The following C10orf67 variants were observed in gnomAD, a reference collection of about 807,000 sequenced individuals.
The protein encoded by C10orf67 is chromosome 10 open reading frame 67.
A neutral mutation model predicts 35.6 loss-of-function variants in C10orf67; 60 were observed. The observed-to-expected ratio is 1.68, with a 90% CI of 1.37 to 2.09. C10orf67 has a LOEUF of 2.09. C10orf67 is among the 30% of genes most tolerant of loss of function. C10orf67 has a pLI of 0.00. For synonymous variants in C10orf67, 167 were observed against 115.8 expected (o/e 1.44, Z -2.84); for missense variants, 474 against 330.2 (o/e 1.44, Z -3.38).
intron 12 of C10orf67, among the ~76,000 whole-genome samples, chr10:23,246,281 T>C (rs1842313502): frequency 6.6e-6 from 1 of 152,096 alleles, no homozygotes; most frequent in Non-Finnish European, 1.5e-5. Context: ...CAAAATTATC[T>C]GTACACCAAA....
chr10:23,268,398 A>C (rs1842938271), intron 8 of C10orf67, among the ~76,000 whole-genome samples: 1 of 152,240 alleles, frequency 6.6e-6, no homozygotes, highest in South Asian at 2.1e-4. Flanking sequence ...CATAATATGA[A>C]TTTATGAGTA....
intron 8 of C10orf67, 87 bp from the exon 9 acceptor site, chr10:23,267,341 A>G (rs901633238): frequency 3.3e-6 from 2 of 611,868 alleles, no homozygotes; most frequent in Non-Finnish European, 5.9e-6. Context: ...AAGCAATGAA[A>G]GAGTAACGTT....
At chr10:23,315,556 G>A (rs1045465900) in intron 4 of C10orf67, among the ~76,000 whole-genome samples, 7 of 151,412 alleles carry the variant, frequency 4.6e-5, no homozygotes, top group African/African-American at 9.7e-5. Context: ...CTCCCACCTC[G>A]GCCTTCCAAG....
chr10:23,279,971 T>G (rs910665461), intron 8 of C10orf67, among the ~76,000 whole-genome samples: 2 of 152,070 alleles, frequency 1.3e-5, no homozygotes, highest in African/African-American at 4.8e-5. Context: ...ACTTCCCACC[T>G]AGCCTCCTGA....
At chr10:23,287,556 T>C (rs1843583811) in intron 7 of C10orf67, among the ~76,000 whole-genome samples, 1 of 152,148 alleles carries the variant, frequency 6.6e-6, no homozygotes, top group Admixed American at 6.5e-5. Flanking sequence ...ATTCAGGACA[T>C]AGGTGTGGGC....
At chr10:23,334,259 G>T (rs1845587709) in intron 1 of C10orf67, among the ~76,000 whole-genome samples, 1 of 152,142 alleles carries the variant, frequency 6.6e-6, no homozygotes, top group Non-Finnish European at 1.5e-5. Context: ...AATAGGCCAG[G>T]AACAAGTGTT....
chr10:23,343,375 G>A (rs1053547541), intron 1 of C10orf67, among the ~76,000 whole-genome samples: 1 of 152,142 alleles, frequency 6.6e-6, no homozygotes, highest in African/African-American at 2.4e-5. Context: ...CAGCCAGGAG[G>A]TACTGTCTGT....
At chr10:23,259,782 G>A (rs2132179553) in intron 10 of C10orf67, among the ~76,000 whole-genome samples, 1 of 152,158 alleles carries the variant, frequency 6.6e-6, no homozygotes, top group Admixed American at 6.5e-5. Context: ...ATAATTTGTT[G>A]GATGGGCTCA....
intron 7 of C10orf67, among the ~76,000 whole-genome samples, chr10:23,283,874 T>C (rs1843446668): frequency 6.6e-6 from 1 of 152,056 alleles, no homozygotes. Context: ...CTATCACACC[T>C]GTACTGTGCT....
intron 4 of C10orf67, among the ~76,000 whole-genome samples, chr10:23,315,013 T>C (rs1300720839): frequency 6.6e-6 from 1 of 152,178 alleles, no homozygotes; most frequent in East Asian, 1.9e-4. Context: ...CTACAAAAAG[T>C]GTATATAGCA....
At chr10:23,263,939 TCA>T (rs1246264608) in intron 10 of C10orf67, among the ~76,000 whole-genome samples, 1 of 152,176 alleles carries the variant, frequency 6.6e-6, no homozygotes, top group Non-Finnish European at 1.5e-5. Flanking sequence ...GGCTAAACAC[TCA>T]GTTTATCACT....
At chr10:23,239,135 T>C (rs1383693539) in intron 13 of C10orf67, among the ~76,000 whole-genome samples, 1 of 152,158 alleles carries the variant, frequency 6.6e-6, no homozygotes, top group Non-Finnish European at 1.5e-5. Flanking sequence ...CTCAACAAAG[T>C]TTGTCTCATT....
intron 13 of C10orf67, among the ~76,000 whole-genome samples, chr10:23,228,160 G>A (rs978903239): frequency 1.3e-5 from 2 of 152,068 alleles, no homozygotes; most frequent in African/African-American, 2.4e-5. Context: ...GAACAAAGCT[G>A]GAGGCATCAC....
chr10:23,248,798 G>A (rs1452514975), intron 12 of C10orf67, among the ~76,000 whole-genome samples: 27 of 152,132 alleles, frequency 1.8e-4, no homozygotes, highest in Non-Finnish European at 4.4e-5. Context: ...CAATTAGTTG[G>A]TTAAATGAGA....
At chr10:23,254,967 T>C (rs1019627047) in intron 10 of C10orf67, among the ~76,000 whole-genome samples, 4 of 152,206 alleles carry the variant, frequency 2.6e-5, no homozygotes, top group African/African-American at 9.6e-5. Flanking sequence ...TCTTTCTGAC[T>C]CATCATGATG....
intron 2 of C10orf67, among the ~76,000 whole-genome samples, chr10:23,330,635 G>T (rs1845409841): frequency 6.6e-6 from 1 of 152,028 alleles, no homozygotes; most frequent in African/African-American, 2.4e-5. Context: ...AGCTACTCGG[G>T]AGGCTGAGGC....
rs61468201 is a variant in C10orf67, at chr10:23,306,530, G to GAA, written c.547-3073_547-3072dup. On this transcript the variant is annotated intron_variant, in intron 4 of 15. Transcript: ENST00000636213. The stretch of plus-strand genomic sequence containing the variant: ...GGTGACAGTGCCAGACTCCATCTCA[G>GAA]AAAAAAAAAAAAAAAAAAAAAGAAT... 3.9e-3 allele frequency among the ~76,000 whole-genome samples: 220 copies of GAA among 56,240 alleles called. 4 individuals are homozygous for GAA. Among genetic ancestry groups the GAA allele is most frequent in the East Asian group, 0.034 (91 of 2,704 alleles). The allele number at this position is 56,240 out of a possible 152,430, so 36.9% of individuals were successfully genotyped here. A position where few individuals can be genotyped will look rare whatever the true frequency, so the allele number is the denominator to read the frequency against.
chr10:23,212,778 TGA>T (rs58972226), intron 15 of C10orf67, among the ~76,000 whole-genome samples: 6,742 of 100,758 alleles, frequency 0.067, 217 homozygotes, highest in East Asian at 0.19. Flanking sequence ...AATATTGTAT[TGA>T]GAGAGAGAGA....
chr10:23,324,869 GACGCCTGGTGTACTGGC>G (rs1257976651), intron 2 of C10orf67, among the ~76,000 whole-genome samples: 18 of 152,166 alleles, frequency 1.2e-4, no homozygotes, highest in Non-Finnish European at 1.5e-5. Flanking sequence ...TTTGGAACTT[GACGCCTGGTGTACTGGC>G]ATCCTGGGAA....
Sources: gnomAD v4.1 joint callset for allele counts (sites outside exome capture counted in the v4.1 genomes callset) on GRCh38, gnomAD v4.1.1 for gene constraint, MANE v1.5 for transcripts, NCBI Gene and HGNC (gene_info 2026-07-23, HGNC 2026-07-21) for gene names.